The following ACSL4 variants were observed in gnomAD, a reference collection of about 807,000 sequenced individuals.
ACSL4 encodes the protein long-chain-fatty-acid--CoA ligase 4.
A neutral mutation model predicts 49.1 loss-of-function variants in ACSL4; 9 were observed. That is an observed-to-expected ratio of 0.18 (90% CI 0.11 to 0.32). The LOEUF is 0.32. ACSL4 is among the 10% of genes least tolerant of loss of function. The pLI is 1.00. For missense variants in ACSL4, 333 were observed against 493.7 expected (o/e 0.67, Z 3.08); for synonymous variants, 191 against 170.3 (o/e 1.12, Z -0.95).
intron 15 of ACSL4, among the ~76,000 whole-genome samples, chrX:109,646,795 C>T (rs1433677027): frequency 9.1e-6 from 1 of 110,140 alleles, no homozygotes; most frequent in African/African-American, 3.3e-5. Context: ...TGCAGAGACA[C>T]ACATAGGCTC....
In ACSL4 at chrX:109,659,523, GA is replaced by G; in HGVS notation, c.1698-13del. The G allele has an allele frequency of 8.7e-7, 1 of 1,154,129 alleles. No homozygotes were observed. Among genetic ancestry groups the G allele is most frequent in the Non-Finnish European group, 1.2e-6 (1 of 844,577 alleles). On this transcript the variant is annotated splice_polypyrimidine_tract_variant and intron_variant, in intron 14 of 15. Transcript: ENST00000672401. ...CATAGGACTGATCACTAAAAAAACA[GA>G]AAATAAAATAGAAATGAAAACATTG...
intron 1 of ACSL4, among the ~76,000 whole-genome samples, chrX:109,718,670 C>T (rs1392647036): frequency 9.3e-6 from 1 of 107,444 alleles, no homozygotes; most frequent in Non-Finnish European, 1.9e-5. Flanking sequence ...GGGAGGATTG[C>T]TTGAGCCCAG....
chrX:109,727,954 C>T (rs1252163366), intron 1 of ACSL4, among the ~76,000 whole-genome samples: 1 of 112,036 alleles, frequency 8.9e-6, no homozygotes, highest in African/African-American at 3.2e-5. Context: ...TGCCTTATAC[C>T]AATGTTTTAT....
At chrX:109,683,048 C>T in intron 3 of ACSL4, 88 bp downstream of exon 3, 1 of 1,054,636 alleles carries the variant, frequency 9.5e-7, no homozygotes, top group Non-Finnish European at 1.3e-6. Flanking sequence ...TAATAGAATG[C>T]CAGCATACTT....
intron 8 of ACSL4, among the ~76,000 whole-genome samples, chrX:109,677,381 C>T (rs143799963): frequency 0.051 from 5,722 of 111,477 alleles, 157 homozygotes; most frequent in Non-Finnish European, 0.077. Context: ...CCCACCAATG[C>T]TCATGGGTAG....
chrX:109,715,995 G>C (rs775917626), intron 1 of ACSL4, among the ~76,000 whole-genome samples: 116 of 112,406 alleles, frequency 1.0e-3, no homozygotes, highest in African/African-American at 3.6e-3. Flanking sequence ...TTGATTTAAG[G>C]AGGGAGAAAA....
intron 1 of ACSL4, among the ~76,000 whole-genome samples, chrX:109,718,139 C>T (rs1186300012): frequency 8.9e-6 from 1 of 112,354 alleles, no homozygotes; most frequent in Non-Finnish European, 1.9e-5. Context: ...AACATTTTCC[C>T]ATGATTTCAT....
chrX:109,647,566 A>G (rs1332725452), intron 15 of ACSL4, among the ~76,000 whole-genome samples: 3 of 112,042 alleles, frequency 2.7e-5, no homozygotes, highest in African/African-American at 9.8e-5. Flanking sequence ...CCACAAGAGA[A>G]AGCAGGAAAG....
At chrX:109,653,370 T>C (rs1432860483) in intron 15 of ACSL4, among the ~76,000 whole-genome samples, 5 of 111,869 alleles carry the variant, frequency 4.5e-5, no homozygotes, top group Non-Finnish European at 9.4e-5. Context: ...TGTAAACTAG[T>C]TCAACCATTG....
rs946802537 is a variant in ACSL4, at chrX:109,678,015, A to G, written c.903T>C (p.Tyr301=). The change falls in exon 8 of 16, where the codon TAT becomes TAC. Residue 301 remains tyrosine, a synonymous_variant. Transcript: ENST00000672401. ...GGTCAGAGAGTGTAAGCGGAGAAGA[A>G]TATCCAATCCTGCAGCCATAGGTAA... is the stretch of plus-strand genomic sequence containing the variant. ...SCFTYGCRIG[Y]SSPLTLSDQS... 4 of 1,211,787 alleles carry G rather than the reference A, an allele frequency of 3.3e-6. No individual in the cohort carries two copies. Among genetic ancestry groups the G allele is most frequent in the Admixed American group, 2.2e-5 (1 of 46,106 alleles).
intron 10 of ACSL4, among the ~76,000 whole-genome samples, chrX:109,668,621 C>A (rs1188355056): frequency 8.9e-6 from 1 of 111,838 alleles, no homozygotes; most frequent in Non-Finnish European, 1.9e-5. Context: ...ATCCCCACTC[C>A]TCAGCATCAC....
chrX:109,678,221 C>T (rs372707845), intron 7 of ACSL4, 44 bp downstream of exon 7: 80 of 1,207,934 alleles, frequency 6.6e-5, no homozygotes, highest in Non-Finnish European at 8.6e-5. Flanking sequence ...GAATGCTGAA[C>T]ATGAACTCTG....
At chrX:109,671,283 T>G in intron 9 of ACSL4, among the ~76,000 whole-genome samples, 1 of 109,078 alleles carries the variant, frequency 9.2e-6, no homozygotes, top group Non-Finnish European at 1.9e-5. Flanking sequence ...CGCGACCCCG[T>G]CTGGGAACTG....
At chrX:109,677,577 G>A (rs902553155) in intron 8 of ACSL4, among the ~76,000 whole-genome samples, 3 of 110,016 alleles carry the variant, frequency 2.7e-5, no homozygotes, top group Admixed American at 9.6e-5. Context: ...TCAGGAGTTC[G>A]AGACTAGCCT....
At chrX:109,715,887 A>G (rs1251425661) in intron 1 of ACSL4, among the ~76,000 whole-genome samples, 2 of 111,842 alleles carry the variant, frequency 1.8e-5, no homozygotes, top group Non-Finnish European at 3.8e-5. Flanking sequence ...TATGACAGTG[A>G]CATCACCCCA....
At chrX:109,681,664 C>A (rs1234787314) in intron 4 of ACSL4, among the ~76,000 whole-genome samples, 2 of 111,937 alleles carry the variant, frequency 1.8e-5, no homozygotes, top group African/African-American at 6.5e-5. Flanking sequence ...ATGCTCAAGG[C>A]CAATAGGTAC....
At chrX:109,680,153 A>G (rs962096232) in intron 6 of ACSL4, among the ~76,000 whole-genome samples, 1 of 111,479 alleles carries the variant, frequency 9.0e-6, no homozygotes, top group Admixed American at 9.5e-5. Flanking sequence ...GGCTACTGCT[A>G]TTGTTGTGAG....
chrX:109,728,105 C>A (rs1159527714), intron 1 of ACSL4, among the ~76,000 whole-genome samples: 1 of 112,401 alleles, frequency 8.9e-6, no homozygotes, highest in African/African-American at 3.2e-5. Flanking sequence ...CCTATAATTC[C>A]TTCTCATATG....
At chrX:109,644,219 AG>A in intron 15 of ACSL4, 33 bp from the exon 16 acceptor site, 1 of 1,176,432 alleles carries the variant, frequency 8.5e-7, no homozygotes, top group Non-Finnish European at 1.2e-6. Context: ...GGAGAAAAGG[AG>A]AGGGGGGGAA....
Sources: gnomAD v4.1 joint callset for allele counts (sites outside exome capture counted in the v4.1 genomes callset) on GRCh38, gnomAD v4.1.1 for gene constraint, MANE v1.5 for transcripts, NCBI Gene and HGNC (gene_info 2026-07-23, HGNC 2026-07-21) for gene names.